COPG2: variants seen among roughly 807,000 people sequenced by gnomAD.
COPG2 encodes the protein coatomer subunit gamma-2.
Under a neutral mutation model 46.3 loss-of-function variants are expected in COPG2, and 37 were observed. That is an observed-to-expected ratio of 0.80 (90% CI 0.61 to 1.05). COPG2 has a LOEUF of 1.05. COPG2 is among the 50% of genes least tolerant of loss of function. The probability of loss-of-function intolerance (pLI) is 0.00; values close to 1 mark genes in which losing one functional copy is unlikely to be tolerated. For synonymous variants in COPG2, 159 were observed against 129.7 expected (o/e 1.23, Z -1.53); for missense variants, 427 against 387.8 (o/e 1.10, Z -0.85).
intron 20 of COPG2, among the ~76,000 whole-genome samples, chr7:130,538,704 G>A (rs987033355): frequency 1.3e-5 from 2 of 152,010 alleles, no homozygotes; most frequent in African/African-American, 4.8e-5. Flanking sequence ...ATGGACTCAT[G>A]TGTTTTGAGT....
At position 130,613,220 on chromosome 7, in the gene COPG2, C is replaced by G. The variant is rs888296729; in HGVS notation, c.492+324G>C. 3.3e-5 allele frequency among the ~76,000 whole-genome samples: 5 copies of G among 152,102 alleles called. No individual in the cohort carries two copies. In the South Asian group the frequency reaches 1.0e-3, roughly 32 times the overall value. On this transcript the variant is annotated intron_variant, in intron 7 of 23. Transcript: ENST00000425248. The stretch of plus-strand genomic sequence containing the variant: ...GGCCGGCAACCTAGATCCCTGCATG[C>G]GCAGCTCACAATAGGGTTCGAGCTC...
intron 20 of COPG2, among the ~76,000 whole-genome samples, chr7:130,524,059 G>T (rs1327111499): frequency 6.6e-6 from 1 of 152,080 alleles, no homozygotes; most frequent in African/African-American, 2.4e-5. Flanking sequence ...ATTCACAGGC[G>T]CATGTTCCCC....
intron 12 of COPG2, among the ~76,000 whole-genome samples, chr7:130,557,206 AATG>A (rs1396860682): frequency 3.3e-5 from 5 of 152,338 alleles, no homozygotes; most frequent in Non-Finnish European, 7.4e-5. Flanking sequence ...CATATACATA[AATG>A]ATAACCAGGT....
In COPG2 at chr7:130,645,190, G is replaced by C. The variant is rs562807258; in HGVS notation, c.323+7679C>G. The C allele has an allele frequency of 5.4e-5, 35 of 651,348 alleles. No individual in the cohort carries two copies. In the East Asian group the frequency reaches 1.3e-3, roughly 24 times the overall value. 40.3% of individuals were successfully genotyped at this position (651,348 alleles called of 1,614,324 possible). On this transcript the variant is annotated intron_variant, in intron 5 of 23. Coordinates refer to ENST00000425248, the MANE Select transcript of COPG2 (RefSeq NM_012133.6). ...GTCCTCATGCTTCCACGTATTCAGA[G>C]AGTACCCCCTTTCCAGAATGAGCTA... is the stretch of plus-strand genomic sequence containing the variant.
At chr7:130,638,738 G>C (rs1210396236) in intron 5 of COPG2, among the ~76,000 whole-genome samples, 5 of 151,798 alleles carry the variant, frequency 3.3e-5, no homozygotes, top group African/African-American at 1.2e-4. Context: ...AGAGTGAACA[G>C]TTCTGTCTCG....
chr7:130,654,515 GA>G lies in COPG2; in HGVS notation c.244-1568del, dbSNP rs1241516057. Among the ~76,000 whole-genome samples, 50 of 152,208 alleles carry G rather than the reference GA, an allele frequency of 3.3e-4. No individual in the cohort carries two copies. In the Middle Eastern group the frequency reaches 0.017, roughly 52 times the overall value. ...CACAATGAGCAAACAAGACTCACAA[GA>G]AAATGATGGCATAGAATATATTAAT... On this transcript the variant is annotated intron_variant, in intron 4 of 23. Transcript: ENST00000425248.
chr7:130,653,779 A>G (rs1402865104), intron 4 of COPG2, among the ~76,000 whole-genome samples: 6 of 152,188 alleles, frequency 3.9e-5, no homozygotes, highest in African/African-American at 1.4e-4. Flanking sequence ...AGCTATGGAG[A>G]AAACCTTGAT....
At chr7:130,523,577 G>C (rs1052116338) in intron 20 of COPG2, among the ~76,000 whole-genome samples, 30 of 152,300 alleles carry the variant, frequency 2.0e-4, no homozygotes, top group Admixed American at 1.6e-3. Flanking sequence ...GTTCCCGACA[G>C]ACCAGGACAA....
intron 20 of COPG2, among the ~76,000 whole-genome samples, chr7:130,519,189 C>G (rs1368374118): frequency 6.6e-6 from 1 of 152,014 alleles, no homozygotes; most frequent in African/African-American, 2.4e-5. Context: ...ATCAGAATTA[C>G]AAGTTCAGTG....
rs180990970 is a variant in COPG2, at chr7:130,663,576, T to C, written c.172-538A>G. Among the ~76,000 whole-genome samples the C allele has an allele frequency of 1.8e-3, 275 of 152,228 alleles. 1 individual carries two copies. Among genetic ancestry groups the C allele is most frequent in the African/African-American group, 5.9e-3 (244 of 41,524 alleles). ...AAAAACTAGGCTTAAGGGGCTGCTA[T>C]GTAGCTCAATATTGGTTCAAGCCCC... On this transcript the variant is annotated intron_variant, in intron 3 of 23. Transcript: ENST00000425248.
chr7:130,556,164 G>T (rs1351786203), intron 12 of COPG2, among the ~76,000 whole-genome samples: 1 of 152,218 alleles, frequency 6.6e-6, no homozygotes, highest in Non-Finnish European at 1.5e-5. Flanking sequence ...ACAGTGGGGA[G>T]TAAGTATGCC....
intron 12 of COPG2, among the ~76,000 whole-genome samples, chr7:130,555,890 CG>C (rs1473166592): frequency 6.6e-6 from 1 of 152,002 alleles, no homozygotes; most frequent in African/African-American, 2.4e-5. Context: ...GTGTGAAGAA[CG>C]TGAGATTTTA....
At chr7:130,656,930 CTATATAAAAAGATTATATTA>C (rs1433147279) in intron 4 of COPG2, among the ~76,000 whole-genome samples, 1 of 150,160 alleles carries the variant, frequency 6.7e-6, no homozygotes, top group Admixed American at 6.6e-5. Context: ...ATTTTTATAT[CTATATAAAAAGATTATATTA>C]TATATAATAT....
At chr7:130,516,976 G>A (rs1179361877) in intron 20 of COPG2, among the ~76,000 whole-genome samples, 4 of 152,176 alleles carry the variant, frequency 2.6e-5, no homozygotes, top group African/African-American at 4.8e-5. Context: ...GCTGAGCAGC[G>A]AGTGCCCATG....
chr7:130,523,788 A>G (rs933144920), intron 20 of COPG2, among the ~76,000 whole-genome samples: 68 of 152,056 alleles, frequency 4.5e-4, no homozygotes, highest in Admixed American at 1.0e-3. Context: ...GAGGAAAGGC[A>G]CAAAGGGGAA....
chr7:130,624,916 C>T (rs1164996239), intron 5 of COPG2, among the ~76,000 whole-genome samples: 2 of 152,142 alleles, frequency 1.3e-5, no homozygotes, highest in Non-Finnish European at 2.9e-5. Flanking sequence ...TCTTTTCCTT[C>T]GAGTAGATAC....
chr7:130,588,588 T>C (rs549139633), intron 9 of COPG2, among the ~76,000 whole-genome samples: 14 of 152,144 alleles, frequency 9.2e-5, no homozygotes, highest in Middle Eastern at 6.8e-3. Context: ...TAGGTGGGAA[T>C]TGAACAATGA....
At chr7:130,576,696 A>G (rs1469788656) in intron 9 of COPG2, among the ~76,000 whole-genome samples, 1 of 152,222 alleles carries the variant, frequency 6.6e-6, no homozygotes, top group Non-Finnish European at 1.5e-5. Flanking sequence ...TCAAGGAACT[A>G]GAAAAACAAG....
intron 9 of COPG2, among the ~76,000 whole-genome samples, chr7:130,586,296 T>C (rs182331535): frequency 6.6e-6 from 1 of 151,966 alleles, no homozygotes; most frequent in Non-Finnish European, 1.5e-5. Context: ...AATCATACAA[T>C]GGACTTTTGG....
Sources: gnomAD v4.1 joint callset for allele counts (sites outside exome capture counted in the v4.1 genomes callset) on GRCh38, gnomAD v4.1.1 for gene constraint, MANE v1.5 for transcripts, NCBI Gene and HGNC (gene_info 2026-07-23, HGNC 2026-07-21) for gene names.